Variants in CELF2 observed in about 807,000 individuals in gnomAD.
CELF2 encodes CUGBP Elav-like family member 2.
A neutral mutation model predicts 62.6 loss-of-function variants in CELF2; 8 were observed. The ratio of observed to expected loss-of-function variants is 0.13; its 90% CI spans 0.07 to 0.23. The LOEUF (loss-of-function observed/expected upper bound fraction) is 0.23, where lower values mean the gene tolerates loss of function less well. CELF2 is among the 10% of genes least tolerant of loss of function. CELF2 has a pLI of 1.00. For synonymous variants in CELF2, 258 were observed against 250.0 expected, an observed-to-expected ratio of 1.03 and a Z score of -0.30; for missense variants, 333 against 671.0, an observed-to-expected ratio of 0.50 and a Z score of 5.56.
the CELF2 span, among the ~76,000 whole-genome samples, chr10:10,515,771 AG>A: frequency 6.6e-6 from 1 of 152,248 alleles, no homozygotes; most frequent in African/African-American, 2.4e-5. Flanking sequence ...AATTTGGGTC[AG>A]TCACTAAACC....
At chr10:10,916,337 C>T (rs560219972) in intron 1 of CELF2, among the ~76,000 whole-genome samples, 1 of 152,166 alleles carries the variant, frequency 6.6e-6, no homozygotes, top group African/African-American at 2.4e-5. Context: ...AAATTTGGAG[C>T]TACATGCACC....
In CELF2 at chr10:11,246,037, A is replaced by G. The variant is rs557603141; in HGVS notation, c.355-3116A>G. ...CGAGAGCACTGACTGCGTGATTTCC[A>G]GGGTCCTTTACAGCTTTAGAGTATA... On this transcript the variant is annotated intron_variant, in intron 3 of 12. Transcript: ENST00000633077. This position sits in a 1 kb window ranked among gnomAD's most constrained non-coding sequence, Gnocchi z 4.6. Among the ~76,000 whole-genome samples, 5 of 152,266 alleles carry G rather than the reference A, an allele frequency of 3.3e-5. No homozygotes were observed. Among genetic ancestry groups the G allele is most frequent in the Admixed American group, 3.3e-4 (5 of 15,298 alleles).
rs759534765 is a variant in CELF2, at chr10:11,046,162, C to A, written c.74+27999C>A. 6.6e-6 allele frequency among the ~76,000 whole-genome samples: 1 copy of A among 152,210 alleles called. No homozygotes were observed. The highest frequency in any genetic ancestry group is 6.5e-5 in the Admixed American group (1 of 15,288). ...TTCCTGCCTCCCCAACCGGGCTGCA[C>A]GCCAGCGGTTCTCAAAATCACGGCA... On this transcript the variant is annotated intron_variant, in intron 1 of 12. Transcript: ENST00000633077. The surrounding 1 kb of genome is among the most constrained non-coding windows in gnomAD (Gnocchi z 4.6).
At chr10:11,317,290 T>C (rs2140769174) in intron 10 of CELF2, 1 of 152,340 alleles carries the variant, frequency 6.6e-6, no homozygotes, top group African/African-American at 2.4e-5. Flanking sequence ...TTGGCACTAC[T>C]TGCATTGTGA....
At chr10:10,599,664 G>A in the CELF2 span, among the ~76,000 whole-genome samples, 1 of 151,766 alleles carries the variant, frequency 6.6e-6, no homozygotes, top group African/African-American at 2.4e-5. Context: ...AACCACCTGC[G>A]ACGTGTTTTT....
chr10:10,637,683 T>C, the CELF2 span, among the ~76,000 whole-genome samples: 1 of 152,206 alleles, frequency 6.6e-6, no homozygotes, highest in South Asian at 2.1e-4. Flanking sequence ...AACGGTCACC[T>C]GAAAAATTCT....
At chr10:10,470,233 C>A in the CELF2 span, among the ~76,000 whole-genome samples, 1 of 151,868 alleles carries the variant, frequency 6.6e-6, no homozygotes, top group Admixed American at 6.6e-5. Flanking sequence ...CTAGTAGTAT[C>A]TCTACCGTCA....
intron 9 of CELF2, among the ~76,000 whole-genome samples, chr10:11,293,937 G>C (rs531678666): frequency 6.6e-6 from 1 of 152,144 alleles, no homozygotes. Flanking sequence ...CAGGGTCAGC[G>C]TACCCACCCA....
At chr10:11,060,052 G>T (rs2066349799) in intron 1 of CELF2, among the ~76,000 whole-genome samples, 1 of 152,216 alleles carries the variant, frequency 6.6e-6, no homozygotes, top group African/African-American at 2.4e-5. Flanking sequence ...AATGCAAGAG[G>T]AAGAGAAGTC....
the CELF2 span, among the ~76,000 whole-genome samples, chr10:10,640,739 A>T: frequency 6.6e-6 from 1 of 152,212 alleles, no homozygotes; most frequent in Non-Finnish European, 1.5e-5. Flanking sequence ...GCATTCTCAT[A>T]CTATTTTCAA....
Position 11,321,212 on chromosome 10 carries a change from G to A in CELF2, c.1120G>A (p.Ala374Thr). ...LAVAQMLSGM[A>T]ALNGGLGATG... Reference sequence around the variant, plus strand: ...AGTTGCTCAAATGCTCTCAGGTATGGCGGCTCTGAATGGAGGACTTGGCGC... The same window carrying A: ...AGTTGCTCAAATGCTCTCAGGTATGACGGCTCTGAATGGAGGACTTGGCGC... Residue 374 changes from alanine (A) to threonine (T), a missense_variant, in exon 11 of 13, where the codon GCG becomes ACG. Around this residue, in one of 3 missense-constraint regions of CELF2, gnomAD observed 253 missense variants for 503.0 expected, o/e 0.50. Transcript: ENST00000633077. This position sits in a 1 kb window ranked among gnomAD's most constrained non-coding sequence, Gnocchi z 6.2. 6.2e-7 allele frequency: 1 copy of A among 1,614,156 alleles called. No individual in the cohort carries two copies. The highest frequency in any genetic ancestry group is 8.5e-7 in the Non-Finnish European group (1 of 1,180,030).
In CELF2 at chr10:11,008,242, G is replaced by C. The variant is rs2055673763; in HGVS notation, c.53+2802G>C. 6.6e-6 allele frequency among the ~76,000 whole-genome samples: 1 copy of C among 152,148 alleles called. No individual in the cohort carries two copies. Among genetic ancestry groups the C allele is most frequent in the South Asian group, 2.1e-4 (1 of 4,830 alleles). On this transcript the variant is annotated intron_variant, in intron 1 of 12. Transcript: ENST00000416382. This position sits in a 1 kb window ranked among gnomAD's most constrained non-coding sequence, Gnocchi z 4.5. ...ACATGCAGAAAAATGAATAGCAAAAGATTCAAACTGGGAAAATGACTTCTT... is the reference window on the plus strand; with the variant it reads ...ACATGCAGAAAAATGAATAGCAAAACATTCAAACTGGGAAAATGACTTCTT...
chr10:11,317,970 C>T (rs928603561), intron 10 of CELF2: 8 of 152,218 alleles, frequency 5.3e-5, no homozygotes, highest in African/African-American at 1.9e-4. Context: ...TCCAGTGGAC[C>T]ATTTCAAGGA....
chr10:10,566,699 T>C, the CELF2 span, among the ~76,000 whole-genome samples: 1 of 152,062 alleles, frequency 6.6e-6, no homozygotes, highest in Middle Eastern at 3.4e-3. Flanking sequence ...CCACCTTTTA[T>C]AAACCCTCAG....
the CELF2 span, among the ~76,000 whole-genome samples, chr10:10,698,976 T>C: frequency 1.3e-5 from 2 of 151,970 alleles, no homozygotes; most frequent in Non-Finnish European, 2.9e-5. Flanking sequence ...ATAATTATAT[T>C]ATATAACATA....
chr10:11,253,895 T>G (rs904117319), intron 4 of CELF2, among the ~76,000 whole-genome samples: 13 of 152,252 alleles, frequency 8.5e-5, no homozygotes, highest in African/African-American at 2.9e-4. Flanking sequence ...AAATGACTTT[T>G]ACCCTTCAAG....
chr10:10,825,688 GGA>G (rs1280638178), intron 1 of CELF2, among the ~76,000 whole-genome samples: 11 of 152,256 alleles, frequency 7.2e-5, no homozygotes, highest in Non-Finnish European at 1.3e-4. Context: ...GAGTGTTGGT[GGA>G]CTTCTCTGCA....
intron 2 of CELF2, among the ~76,000 whole-genome samples, chr10:10,954,616 T>C (rs2048705432): frequency 6.6e-6 from 1 of 152,234 alleles, no homozygotes; most frequent in Non-Finnish European, 1.5e-5. Flanking sequence ...TCTAGGAATT[T>C]GTCTCACAGA....
the CELF2 span, among the ~76,000 whole-genome samples, chr10:10,543,532 C>T: frequency 6.6e-6 from 1 of 152,134 alleles, no homozygotes; most frequent in African/African-American, 2.4e-5. Context: ...TGTGCACCAG[C>T]TCTGTGCACA....
Sources: gnomAD v4.1 joint callset for allele counts (sites outside exome capture counted in the v4.1 genomes callset) on GRCh38, gnomAD v4.1.1 for gene constraint, gnomAD v4.1.1 regional missense constraint, Gnocchi (gnomAD v3.1) non-coding constraint, MANE v1.5 for transcripts, NCBI Gene and HGNC (gene_info 2026-07-23, HGNC 2026-07-21) for gene names.